CTDSPL: variants seen among roughly 807,000 people sequenced by gnomAD.
The protein encoded by CTDSPL is CTD small phosphatase-like protein.
CTDSPL carries 8 observed loss-of-function variants against 30.5 expected under a neutral mutation model. That is an observed-to-expected ratio of 0.26 (90% CI 0.15 to 0.47). CTDSPL has a LOEUF of 0.47. Ranked by LOEUF, CTDSPL falls within the 20% of genes least tolerant of loss-of-function variation. The pLI is 0.99. For synonymous variants in CTDSPL, 110 were observed against 137.9 expected (o/e 0.80, Z 1.42); for missense variants, 248 against 366.1 (o/e 0.68, Z 2.63).
At chr3:37,937,701 C>T (rs1390218164) in intron 1 of CTDSPL, among the ~76,000 whole-genome samples, 1 of 150,348 alleles carries the variant, frequency 6.7e-6, no homozygotes, top group Non-Finnish European at 1.5e-5. Flanking sequence ...TCAGTCATCA[C>T]CTGGGAGATG....
At position 37,943,183 on chromosome 3, in the gene CTDSPL, G is replaced by A. The variant is rs939605042; in HGVS notation, c.80-3874G>A. On this transcript the variant is annotated intron_variant, in intron 1 of 7. Coordinates refer to ENST00000273179, the MANE Select transcript of CTDSPL (RefSeq NM_001008392.2). The stretch of plus-strand genomic sequence containing the variant: ...GGAGATGTCCAGCAGACAGGTGGAT[G>A]AACTGGCCTGGCCCAAAGACACAGC... 2.7e-5 allele frequency among the ~76,000 whole-genome samples: 4 copies of A among 150,294 alleles called. 1 individual carries two copies. In the South Asian group the frequency reaches 6.4e-4, roughly 24 times the overall value.
At chr3:37,879,155 G>A (rs563851077) in intron 1 of CTDSPL, among the ~76,000 whole-genome samples, 32 of 152,296 alleles carry the variant, frequency 2.1e-4, no homozygotes, top group South Asian at 8.3e-4. Context: ...AATAAATCAG[G>A]TGAAACTTTC....
At chr3:37,950,184 G>A (rs1480720201) in intron 2 of CTDSPL, among the ~76,000 whole-genome samples, 1 of 152,146 alleles carries the variant, frequency 6.6e-6, no homozygotes, top group African/African-American at 2.4e-5. Context: ...GGGCTCTGCT[G>A]GGCCATGAAA....
intron 1 of CTDSPL, among the ~76,000 whole-genome samples, chr3:37,922,932 G>A (rs1432481542): frequency 6.6e-6 from 1 of 152,228 alleles, no homozygotes; most frequent in African/African-American, 2.4e-5. Context: ...AAGCAGGGCA[G>A]TGTTTCCACT....
chr3:37,960,535 T>TACACACAC (rs71288085), intron 3 of CTDSPL, among the ~76,000 whole-genome samples: 280 of 16,276 alleles, frequency 0.017, 6 homozygotes, highest in Middle Eastern at 0.042. Flanking sequence ...TATATATATA[T>TACACACAC]ACACACACAC....
In CTDSPL at chr3:37,862,929, G is replaced by C. The variant is rs1405583649; in HGVS notation, c.79+651G>C. On this transcript the variant is annotated intron_variant, in intron 1 of 7. Transcript: ENST00000273179. The surrounding 1 kb of genome is among the most constrained non-coding windows in gnomAD (Gnocchi z 4.3). ...TGTTGTATACATCTACTGGGAGGGC[G>C]TGTGTGTGTGTAAATTGTATACAAT... Among the ~76,000 whole-genome samples the C allele has an allele frequency of 6.6e-6, 1 of 152,068 alleles. No homozygotes were observed. The highest frequency in any genetic ancestry group is 1.5e-5 in the Non-Finnish European group (1 of 67,978).
intron 1 of CTDSPL, among the ~76,000 whole-genome samples, chr3:37,926,112 G>T (rs1441835251): frequency 1.3e-5 from 2 of 152,208 alleles, no homozygotes; most frequent in Non-Finnish European, 2.9e-5. Context: ...GCTACATGGG[G>T]TGATCTGTGG....
At chr3:37,959,713 A>G (rs1477927382) in intron 3 of CTDSPL, among the ~76,000 whole-genome samples, 1 of 152,100 alleles carries the variant, frequency 6.6e-6, no homozygotes, top group African/African-American at 2.4e-5. Context: ...GACTTGTGTG[A>G]TAGTTCTTTG....
chr3:37,887,157 G>T (rs1448450112), intron 1 of CTDSPL, among the ~76,000 whole-genome samples: 14 of 152,128 alleles, frequency 9.2e-5, no homozygotes, highest in Non-Finnish European at 4.4e-5. Flanking sequence ...CCAAGCTTGG[G>T]CCAGGTTATT....
rs530194180 is a variant in CTDSPL, at chr3:37,976,404, G to A, written c.705+510G>A. Among the ~76,000 whole-genome samples, 13 of 152,146 alleles carry A rather than the reference G, an allele frequency of 8.5e-5. No homozygotes were observed. The South Asian group carries it at 1.0e-3, about 12-fold the overall frequency. ...TGTAATCCCAACCCTTTGGGAGGCC[G>A]AGGCAGATCACAAGGTCAGGAGATC... On this transcript the variant is annotated intron_variant, in intron 7 of 7. Coordinates refer to ENST00000273179, the MANE Select transcript of CTDSPL (RefSeq NM_001008392.2).
chr3:37,958,055 C>A (rs1389352026), intron 3 of CTDSPL, among the ~76,000 whole-genome samples: 1 of 152,192 alleles, frequency 6.6e-6, no homozygotes, highest in East Asian at 1.9e-4. Context: ...ATGTGTTCAT[C>A]TCTCTTTCCT....
chr3:37,946,477 C>A (rs573349694), intron 1 of CTDSPL, among the ~76,000 whole-genome samples: 1 of 152,184 alleles, frequency 6.6e-6, no homozygotes, highest in African/African-American at 2.4e-5. Context: ...GGATCCAGGC[C>A]CCCACCAACT....
At chr3:37,924,558 A>T (rs375424914) in intron 1 of CTDSPL, among the ~76,000 whole-genome samples, 6 of 152,358 alleles carry the variant, frequency 3.9e-5, no homozygotes, top group African/African-American at 1.4e-4. Flanking sequence ...TTCCTCCACA[A>T]CGAGAAAATA....
intron 1 of CTDSPL, chr3:37,944,688 T>A (rs1327981531): frequency 6.7e-6 from 1 of 150,222 alleles, no homozygotes; most frequent in African/African-American, 2.4e-5. Context: ...TCCAAGAGGT[T>A]CCTGCAGGCC....
intron 1 of CTDSPL, among the ~76,000 whole-genome samples, chr3:37,927,597 C>A (rs1698794692): frequency 6.8e-6 from 1 of 147,866 alleles, no homozygotes; most frequent in Non-Finnish European, 1.5e-5. Context: ...CTCCCAAGGC[C>A]AGTCTTTTTT....
intron 1 of CTDSPL, among the ~76,000 whole-genome samples, chr3:37,878,128 A>G (rs1322937639): frequency 6.6e-6 from 1 of 152,132 alleles, no homozygotes; most frequent in Non-Finnish European, 1.5e-5. Flanking sequence ...TTTGTTTTTT[A>G]TAGTAGCCAT....
intron 1 of CTDSPL, among the ~76,000 whole-genome samples, chr3:37,865,981 T>A (rs1205414739): frequency 2.0e-5 from 3 of 152,180 alleles, no homozygotes; most frequent in Non-Finnish European, 4.4e-5. Context: ...TGGGAACAGG[T>A]ATTGGTTCAG....
At chr3:37,967,419 A>G (rs1231765455) in intron 4 of CTDSPL, among the ~76,000 whole-genome samples, 1 of 152,236 alleles carries the variant, frequency 6.6e-6, no homozygotes, top group Non-Finnish European at 1.5e-5. Context: ...GGGTCCAAGT[A>G]CAAATAGTTT....
In CTDSPL at chr3:37,964,694, A is replaced by G. The variant is rs200027514; in HGVS notation, c.369+22A>G. On this transcript the variant is annotated intron_variant, in intron 4 of 7. Coordinates refer to ENST00000273179, the MANE Select transcript of CTDSPL (RefSeq NM_001008392.2). ...TAAGGTAAATCAACATAAAAAAAAA[A>G]TCCATGATCTTTGTGATTTGATAAC... 4.6e-6 allele frequency: 7 copies of G among 1,525,820 alleles called. No individual in the cohort carries two copies. In the African/African-American group the frequency reaches 8.2e-5, roughly 18 times the overall value. 94.5% of individuals were successfully genotyped at this position (1,525,820 alleles called of 1,614,324 possible). A position where few individuals can be genotyped will look rare whatever the true frequency, so the allele number is the denominator to read the frequency against.
Sources: gnomAD v4.1 joint callset for allele counts (sites outside exome capture counted in the v4.1 genomes callset) on GRCh38, gnomAD v4.1.1 for gene constraint, Gnocchi (gnomAD v3.1) non-coding constraint, MANE v1.5 for transcripts, NCBI Gene and HGNC (gene_info 2026-07-23, HGNC 2026-07-21) for gene names.